Variants in CADM2 observed in about 807,000 individuals in gnomAD.
The protein encoded by CADM2 is immunoglobulin superfamily member 4D.
CADM2 carries 12 observed loss-of-function variants against 49.8 expected under a neutral mutation model. That is an observed-to-expected ratio of 0.24 (90% CI 0.15 to 0.39). The LOEUF (loss-of-function observed/expected upper bound fraction) is 0.39. CADM2 is among the 10% of genes least tolerant of loss of function. The pLI is 1.00. For synonymous variants in CADM2, 214 were observed against 175.4 expected, an observed-to-expected ratio of 1.22 and a Z score of -1.74; for missense variants, 378 against 492.3, an observed-to-expected ratio of 0.77 and a Z score of 2.20.
At chr3:85,935,345 T>C (rs1721078140) in intron 6 of CADM2, among the ~76,000 whole-genome samples, 1 of 152,082 alleles carries the variant, frequency 6.6e-6, no homozygotes, top group Non-Finnish European at 1.5e-5. Context: ...GTGGGTTCCT[T>C]ATTGTGAGTC....
chr3:85,065,797 T>C (rs1255377453), intron 1 of CADM2, among the ~76,000 whole-genome samples: 1 of 152,172 alleles, frequency 6.6e-6, no homozygotes, highest in Non-Finnish European at 1.5e-5. Context: ...CAAGTGTGTA[T>C]ACCACAGACT....
intron 1 of CADM2, among the ~76,000 whole-genome samples, chr3:85,102,325 G>T (rs2038046939): frequency 6.6e-6 from 1 of 152,096 alleles, no homozygotes; most frequent in Non-Finnish European, 1.5e-5. Flanking sequence ...TACAAATATT[G>T]CTGGGGAGAC....
At chr3:85,163,218 T>G (rs1369058864) in intron 1 of CADM2, among the ~76,000 whole-genome samples, 1 of 152,140 alleles carries the variant, frequency 6.6e-6, no homozygotes, top group African/African-American at 2.4e-5. Context: ...CTCTAGTCCA[T>G]GTAGACTGAA....
At chr3:85,791,118 C>T (rs1002566532) in intron 2 of CADM2, among the ~76,000 whole-genome samples, 5 of 152,116 alleles carry the variant, frequency 3.3e-5, no homozygotes, top group African/African-American at 4.8e-5. Context: ...TTTGAAAGAA[C>T]AGAGGGGCAT....
intron 1 of CADM2, among the ~76,000 whole-genome samples, chr3:85,306,178 A>G (rs2044207744): frequency 6.6e-6 from 1 of 151,658 alleles, no homozygotes; most frequent in Admixed American, 6.6e-5. Context: ...TTTCCACAGC[A>G]ATTCACCAAA....
chr3:85,582,941 A>G (rs1376626032), intron 1 of CADM2, among the ~76,000 whole-genome samples: 1 of 152,126 alleles, frequency 6.6e-6, no homozygotes, highest in Non-Finnish European at 1.5e-5. Context: ...AAATTTGTAA[A>G]ATAAGGGTGG....
At chr3:85,725,302 C>T (rs2067657095) in intron 1 of CADM2, among the ~76,000 whole-genome samples, 1 of 151,850 alleles carries the variant, frequency 6.6e-6, no homozygotes, top group East Asian at 1.9e-4. Context: ...GGTATGTACA[C>T]AGACTTTCTA....
intron 1 of CADM2, among the ~76,000 whole-genome samples, chr3:85,474,373 G>C (rs936002981): frequency 4.0e-5 from 6 of 151,814 alleles, no homozygotes; most frequent in African/African-American, 1.5e-4. Flanking sequence ...TCTTTGTTCT[G>C]TTGAGAACAC....
At chr3:85,395,340 G>A (rs2034730528) in intron 1 of CADM2, among the ~76,000 whole-genome samples, 1 of 147,374 alleles carries the variant, frequency 6.8e-6, no homozygotes, top group African/African-American at 2.5e-5. Context: ...AGGGGTATAT[G>A]TATAGAAAAA....
chr3:85,601,157 T>C (rs80348881), intron 1 of CADM2, among the ~76,000 whole-genome samples: 7 of 106,412 alleles, frequency 6.6e-5, no homozygotes, highest in South Asian at 3.0e-4. Context: ...TATATATATA[T>C]ATATATATAT....
intron 1 of CADM2, among the ~76,000 whole-genome samples, chr3:85,287,459 T>G (rs940028883): frequency 9.9e-5 from 15 of 152,144 alleles, no homozygotes; most frequent in Non-Finnish European, 2.2e-4. Flanking sequence ...ATAAATAGAA[T>G]TTTTCAGCTT....
At chr3:85,773,570 T>C (rs1210797944) in intron 2 of CADM2, among the ~76,000 whole-genome samples, 1 of 152,118 alleles carries the variant, frequency 6.6e-6, no homozygotes, top group Non-Finnish European at 1.5e-5. Context: ...TAAGCATTTG[T>C]ATGATTACTT....
chr3:85,239,470 A>G (rs13089143), intron 1 of CADM2, among the ~76,000 whole-genome samples: 62,280 of 151,398 alleles, frequency 0.41, 14,665 homozygotes, highest in Admixed American at 0.56. Context: ...CTGATTAAAG[A>G]AAAGCCTTTA....
At chr3:85,183,452 T>C (rs1216021930) in intron 1 of CADM2, among the ~76,000 whole-genome samples, 4 of 152,088 alleles carry the variant, frequency 2.6e-5, no homozygotes, top group Non-Finnish European at 4.4e-5. Context: ...AAACACGCAA[T>C]ATGTTCCATT....
intron 1 of CADM2, among the ~76,000 whole-genome samples, chr3:85,654,041 A>G (rs1182112058): frequency 6.6e-6 from 1 of 152,234 alleles, no homozygotes; most frequent in Non-Finnish European, 1.5e-5. Flanking sequence ...CCTTGACAAG[A>G]GCAGTTCAGT....
chr3:85,309,770 C>A (rs1156733868), intron 1 of CADM2, among the ~76,000 whole-genome samples: 1 of 152,100 alleles, frequency 6.6e-6, no homozygotes, highest in Admixed American at 6.6e-5. Flanking sequence ...TAGGCTTTAT[C>A]CCTGTATCAA....
intron 1 of CADM2, among the ~76,000 whole-genome samples, chr3:85,361,649 A>G (rs2032369525): frequency 6.6e-6 from 1 of 152,164 alleles, no homozygotes; most frequent in Non-Finnish European, 1.5e-5. Flanking sequence ...TCTGCCATCT[A>G]GGATCTAAGT....
At chr3:85,500,031 A>G (rs1394990834) in intron 1 of CADM2, among the ~76,000 whole-genome samples, 1 of 152,232 alleles carries the variant, frequency 6.6e-6, no homozygotes, top group Non-Finnish European at 1.5e-5. Context: ...TGGCCTATTG[A>G]TTCAACTTTT....
intron 1 of CADM2, among the ~76,000 whole-genome samples, chr3:85,498,770 A>T (rs1209083826): frequency 1.3e-5 from 2 of 152,158 alleles, no homozygotes; most frequent in Non-Finnish European, 2.9e-5. Context: ...CGGGAATTTA[A>T]CCCTGCATTT....
Sources: gnomAD v4.1 joint callset for allele counts (sites outside exome capture counted in the v4.1 genomes callset) on GRCh38, gnomAD v4.1.1 for gene constraint, MANE v1.5 for transcripts, NCBI Gene and HGNC (gene_info 2026-07-23, HGNC 2026-07-21) for gene names.